INSYN2A: variants seen among roughly 807,000 people sequenced by gnomAD.
The protein encoded by INSYN2A is inhibitory synaptic factor 2A, also known as family with sequence similarity 196 member A.
Under a neutral mutation model 39.4 loss-of-function variants are expected in INSYN2A, and 17 were observed. The ratio of observed to expected loss-of-function variants is 0.43; its 90% confidence interval spans 0.30 to 0.65. The LOEUF (loss-of-function observed/expected upper bound fraction) is 0.65, where lower values mean the gene tolerates loss of function less well. Among genes scored for constraint, INSYN2A ranks in the 30% least tolerant of loss-of-function variants. The probability of loss-of-function intolerance (pLI) is 0.14; values close to 1 mark genes in which losing one functional copy is unlikely to be tolerated. For missense variants in INSYN2A, 595 were observed against 631.2 expected, an observed-to-expected ratio of 0.94 and a Z score of 0.61; for synonymous variants, 255 against 265.7, an observed-to-expected ratio of 0.96 and a Z score of 0.39.
intron 4 of INSYN2A, among the ~76,000 whole-genome samples, chr10:127,160,416 C>T (rs1564853214): frequency 6.6e-6 from 1 of 152,178 alleles, no homozygotes; most frequent in Non-Finnish European, 1.5e-5. Context: ...TGTGCCTGGT[C>T]TGGTTGCAGA....
intron 4 of INSYN2A, among the ~76,000 whole-genome samples, chr10:127,154,247 A>C (rs1016465507): frequency 2.0e-5 from 3 of 152,236 alleles, no homozygotes; most frequent in African/African-American, 7.2e-5. Context: ...AACTTTGAGG[A>C]AAAACCAACC....
intron 4 of INSYN2A, among the ~76,000 whole-genome samples, chr10:127,160,807 C>T (rs755074700): frequency 6.6e-6 from 1 of 152,206 alleles, no homozygotes; most frequent in African/African-American, 2.4e-5. Flanking sequence ...AGTTTGATCT[C>T]TCTTGTTCTT....
chr10:127,139,662 A>G (rs917354290), intron 5 of INSYN2A, among the ~76,000 whole-genome samples: 5 of 152,174 alleles, frequency 3.3e-5, no homozygotes, highest in East Asian at 1.9e-4. Flanking sequence ...GGTGCACTAG[A>G]AGGACATGGG....
chr10:127,195,006 A>T (rs1167616171), intron 1 of INSYN2A, among the ~76,000 whole-genome samples: 2 of 152,148 alleles, frequency 1.3e-5, no homozygotes, highest in Non-Finnish European at 2.9e-5. Flanking sequence ...GGCTGTAGAT[A>T]AGCAAAACGC....
At chr10:127,172,792 C>T (rs533724604) in intron 4 of INSYN2A, among the ~76,000 whole-genome samples, 1 of 152,250 alleles carries the variant, frequency 6.6e-6, no homozygotes, top group South Asian at 2.1e-4. Context: ...TTAAGGTGCC[C>T]AAGTCCTCAG....
chr10:127,184,275 G>T (rs576380311), intron 2 of INSYN2A, among the ~76,000 whole-genome samples: 6 of 152,106 alleles, frequency 3.9e-5, no homozygotes, highest in Admixed American at 3.3e-4. Context: ...TATGCTGAAG[G>T]CTTCCAACAA....
At chr10:127,193,130 G>A (rs2483870) in intron 1 of INSYN2A, among the ~76,000 whole-genome samples, 3 of 152,186 alleles carry the variant, frequency 2.0e-5, no homozygotes, top group Non-Finnish European at 4.4e-5. Flanking sequence ...AAAAGGATCT[G>A]CTTCATAAAT....
At chr10:127,152,225 C>T (rs749505539) in intron 5 of INSYN2A, among the ~76,000 whole-genome samples, 7 of 152,144 alleles carry the variant, frequency 4.6e-5, no homozygotes, top group African/African-American at 7.2e-5. Context: ...CTGATGTTCA[C>T]GGAGGGTCAT....
intron 4 of INSYN2A, among the ~76,000 whole-genome samples, chr10:127,173,677 A>C (rs1260891236): frequency 6.6e-6 from 1 of 152,110 alleles, no homozygotes; most frequent in African/African-American, 2.4e-5. Flanking sequence ...GACTGGGTCA[A>C]TGTTTGACCT....
chr10:127,175,252 C>A lies in INSYN2A; in HGVS notation c.1144G>T (p.Val382Phe), dbSNP rs1368633234. The A allele has an allele frequency of 3.1e-6, 5 of 1,613,946 alleles. No homozygotes were observed. In the African/African-American group the frequency reaches 5.3e-5, roughly 17 times the overall value. The change falls in exon 4 of 6, where the codon GTC (valine) becomes TTC (phenylalanine). Residue 382 changes from valine (V) to phenylalanine (F), a missense_variant. By Grantham distance (50) the Val-to-Phe change is conservative (BLOSUM62 -1). Coordinates refer to ENST00000522781, the MANE Select transcript of INSYN2A (RefSeq NM_001039762.3). This position sits in a 1 kb window ranked among gnomAD's most constrained non-coding sequence, Gnocchi z 6.3. ...SQETIKVLLG[V>F]IQELEKGEAH... ...TCTCCTTTTTCCAACTCCTGAATGA[C>A]CCCCAAGAGCACTTTGATGGTTTCT...
At chr10:127,172,467 T>C (rs1188480379) in intron 4 of INSYN2A, among the ~76,000 whole-genome samples, 1 of 152,184 alleles carries the variant, frequency 6.6e-6, no homozygotes, top group Non-Finnish European at 1.5e-5. Flanking sequence ...TTGCATCTTA[T>C]CTGCCTGTCT....
chr10:127,174,751 TAAGC>T (rs547839838), intron 4 of INSYN2A, among the ~76,000 whole-genome samples: 109 of 152,356 alleles, frequency 7.2e-4, no homozygotes, highest in African/African-American at 2.5e-3. Flanking sequence ...TTATTTATTA[TAAGC>T]AAGTCAGCAT....
At chr10:127,182,404 A>G (rs759150890) in intron 2 of INSYN2A, among the ~76,000 whole-genome samples, 18 of 152,166 alleles carry the variant, frequency 1.2e-4, no homozygotes, top group African/African-American at 4.1e-4. Context: ...GAGGGCAAGC[A>G]TGCATGCTTG....
intron 2 of INSYN2A, among the ~76,000 whole-genome samples, chr10:127,179,993 A>AT (rs1056243757): frequency 2.0e-5 from 3 of 152,074 alleles, no homozygotes; most frequent in African/African-American, 7.2e-5. Context: ...CGATTTTGGG[A>AT]TTTTTTGCAA....
At chr10:127,182,880 C>T (rs557439596) in intron 2 of INSYN2A, among the ~76,000 whole-genome samples, 4 of 152,116 alleles carry the variant, frequency 2.6e-5, no homozygotes, top group Admixed American at 2.0e-4. Flanking sequence ...TCCCACTGAC[C>T]CTGGAGGCTT....
intron 5 of INSYN2A, among the ~76,000 whole-genome samples, chr10:127,145,057 T>C (rs1287983181): frequency 1.3e-5 from 2 of 152,202 alleles, no homozygotes; most frequent in African/African-American, 4.8e-5. Flanking sequence ...TCTTGGATGT[T>C]TTCCGTGACC....
chr10:127,175,976 G>T lies in INSYN2A; in HGVS notation c.420C>A (p.Asn140Lys), dbSNP rs77083569. Residue 140 changes from asparagine (N) to lysine (K), a missense_variant, in exon 4 of 6, where the codon AAC becomes AAA. Physicochemically the swap from Asn to Lys is moderately conservative, Grantham distance 94 (BLOSUM62 0). Coordinates refer to ENST00000522781, the MANE Select transcript of INSYN2A (RefSeq NM_001039762.3). The surrounding 1 kb of genome is among the most constrained non-coding windows in gnomAD (Gnocchi z 6.3). ...LPAADPFKSQ[N>K]NGFLTDAKEK... Reference sequence around the variant, plus strand: ...CTTTCGCATCTGTTAGAAACCCATTGTTTTGGCTTTTAAAGGGATCTGCAG... The same window carrying T: ...CTTTCGCATCTGTTAGAAACCCATTTTTTTGGCTTTTAAAGGGATCTGCAG... The T allele has an allele frequency of 2.2e-3, 3,532 of 1,614,174 alleles. 52 individuals are homozygous for T. In the African/African-American group the frequency reaches 0.035, roughly 16 times the overall value.
At chr10:127,191,028 ACT>A (rs1257371166) in intron 2 of INSYN2A, among the ~76,000 whole-genome samples, 12 of 151,528 alleles carry the variant, frequency 7.9e-5, no homozygotes, top group African/African-American at 2.9e-4. Flanking sequence ...CTATGCCTCC[ACT>A]CTCTGATTCC....
chr10:127,177,608 G>A (rs1034063626), intron 2 of INSYN2A, among the ~76,000 whole-genome samples: 27 of 152,224 alleles, frequency 1.8e-4, no homozygotes, highest in African/African-American at 1.4e-4. Context: ...ACATGGGCCC[G>A]TGAGAGCTGC....
Sources: allele counts gnomAD v4.1 joint callset (sites outside exome capture counted in the v4.1 genomes callset), GRCh38; gene constraint gnomAD v4.1.1; non-coding constraint Gnocchi (gnomAD v3.1); transcripts MANE v1.5; gene names NCBI Gene and HGNC (gene_info 2026-07-23, HGNC 2026-07-21).